TXNDC8: variants seen among roughly 807,000 people sequenced by gnomAD.
The protein encoded by TXNDC8 is thioredoxin domain-containing protein 8.
In TXNDC8, 15 loss-of-function variants were observed where a neutral mutation model predicts 12.9. The ratio of observed to expected loss-of-function variants is 1.16; its 90% CI spans 0.78 to 1.79. The LOEUF (loss-of-function observed/expected upper bound fraction) is 1.79. Among genes scored for constraint, TXNDC8 ranks in the 40% most tolerant of loss-of-function variants. The pLI is 0.00. For missense variants in TXNDC8, 128 were observed against 113.2 expected (o/e 1.13, Z -0.59); for synonymous variants, 40 against 35.4 (o/e 1.13, Z -0.46).
At chr9:110,302,932 C>T (rs552969384), downstream of TXNDC8, among the ~76,000 whole-genome samples, 21 of 152,210 alleles carry the variant, frequency 1.4e-4, no homozygotes, top group South Asian at 4.2e-4. Context: ...GTTGTGATGA[C>T]GCCTGCCTAT....
At chr9:110,337,638 A>C in intron 1 of TXNDC8, 135 bp downstream of exon 1, 1 of 802,742 alleles carries the variant, frequency 1.2e-6, no homozygotes, top group African/African-American at 1.8e-5. Flanking sequence ...ATAAAGAACA[A>C]GAATTTAGAA....
At chr9:110,304,566 G>A in intron 3 of TXNDC8, 34 bp from the exon 5 acceptor site, 1 of 1,579,212 alleles carries the variant, frequency 6.3e-7, no homozygotes. Flanking sequence ...TAATTTATCT[G>A]AGTTGCCTGG....
At chr9:110,310,524 A>G (rs1014400779) in intron 3 of TXNDC8, among the ~76,000 whole-genome samples, 1 of 152,220 alleles carries the variant, frequency 6.6e-6, no homozygotes, top group African/African-American at 2.4e-5. Flanking sequence ...ACATTTATGT[A>G]TTTATGTGTT....
At chr9:110,311,602 A>ATTAC (rs1838678601) in intron 3 of TXNDC8, among the ~76,000 whole-genome samples, 1 of 128,310 alleles carries the variant, frequency 7.8e-6, no homozygotes, top group Non-Finnish European at 1.7e-5. Flanking sequence ...CTATATCCAT[A>ATTAC]TATATATGGA....
intron 2 of TXNDC8, among the ~76,000 whole-genome samples, chr9:110,331,410 A>G (rs1734685695): frequency 6.6e-6 from 1 of 152,192 alleles, no homozygotes; most frequent in Non-Finnish European, 1.5e-5. Flanking sequence ...TGGCAATGTT[A>G]GAATCTCCAC....
chr9:110,319,084 C>G (rs1838993614), intron 3 of TXNDC8, among the ~76,000 whole-genome samples: 1 of 152,184 alleles, frequency 6.6e-6, no homozygotes, highest in African/African-American at 2.4e-5. Flanking sequence ...GCCCCCCGAC[C>G]CCCAGTCAAT....
intron 4 of TXNDC8, among the ~76,000 whole-genome samples, chr9:110,303,861 G>T (rs186877946): frequency 1.3e-5 from 2 of 151,876 alleles, no homozygotes; most frequent in African/African-American, 4.8e-5. Context: ...TAATAATCTC[G>T]GAAATAAACA....
intron 1 of TXNDC8, among the ~76,000 whole-genome samples, chr9:110,336,497 T>C (rs947540127): frequency 3.3e-5 from 5 of 152,068 alleles, no homozygotes; most frequent in African/African-American, 1.2e-4. Context: ...GCTGGCCTAA[T>C]TGGACCCATG....
rs1281514797 is a variant in TXNDC8 at position 110,305,854 on chromosome 9, TC to T, written c.196-1323del. 3.7e-5 allele frequency among the ~76,000 whole-genome samples: 5 copies of T among 135,918 alleles called. No individual in the cohort carries two copies. In the East Asian group the frequency reaches 8.2e-4, roughly 22 times the overall value. The allele number at this position is 135,918 out of a possible 152,430, so 89.2% of individuals were successfully genotyped here. ...TTCTTTTCCTTTCTTTTCTTTTCTT[TC>T]TTTTTCTTTTCTTTTCTTTTCTTTT... On this transcript the variant is annotated intron_variant, in intron 3 of 4. Coordinates refer to ENST00000423740, the MANE Select transcript of TXNDC8 (RefSeq NM_001286946.2).
intron 3 of TXNDC8, among the ~76,000 whole-genome samples, chr9:110,305,048 G>A (rs1468257444): frequency 2.7e-5 from 4 of 150,110 alleles, no homozygotes; most frequent in East Asian, 2.0e-4. Context: ...CATGGGAGGC[G>A]GAGGCACGAG....
In TXNDC8 at chr9:110,314,055, G is replaced by A. The variant is rs570561269; in HGVS notation, c.196-9523C>T. On this transcript the variant is annotated intron_variant, in intron 3 of 4. Transcript: ENST00000423740. ...CTAAGCTAAAGGGAAAAGTCAAGCT[G>A]GGAACTGCTTAGGGCCAAACTGCCT... Among the ~76,000 whole-genome samples the A allele has an allele frequency of 9.2e-5, 14 of 152,280 alleles. No homozygotes were observed. The South Asian group carries it at 2.9e-3, about 32-fold the overall frequency.
chr9:110,305,905 C>G (rs567717042), intron 3 of TXNDC8, among the ~76,000 whole-genome samples: 1 of 147,316 alleles, frequency 6.8e-6, no homozygotes, highest in East Asian at 2.0e-4. Context: ...TCTCTGTCAC[C>G]GACTTTGGAG....
chr9:110,325,503 C>G (rs1839272819), intron 3 of TXNDC8, among the ~76,000 whole-genome samples: 1 of 145,052 alleles, frequency 6.9e-6, no homozygotes. Context: ...ATTGTTTAAA[C>G]TTGTATACAC....
intron 3 of TXNDC8, among the ~76,000 whole-genome samples, chr9:110,309,280 C>A (rs866775118): frequency 1.3e-5 from 2 of 151,720 alleles, no homozygotes; most frequent in Non-Finnish European, 2.9e-5. Flanking sequence ...GGGGGATTGA[C>A]CCCCCCACAA....
intron 2 of TXNDC8, among the ~76,000 whole-genome samples, chr9:110,326,592 A>G (rs1314562691): frequency 6.6e-6 from 1 of 152,228 alleles, no homozygotes; most frequent in African/African-American, 2.4e-5. Flanking sequence ...GGAACTCAGT[A>G]TAAGAAGAGC....
chr9:110,330,786 T>C (rs1304927470), intron 2 of TXNDC8, among the ~76,000 whole-genome samples: 1 of 152,262 alleles, frequency 6.6e-6, no homozygotes, highest in South Asian at 2.1e-4. Flanking sequence ...AGAGATCATA[T>C]GGCCTGCAAA....
chr9:110,327,720 T>C (rs1420027409), intron 2 of TXNDC8, among the ~76,000 whole-genome samples: 2 of 152,196 alleles, frequency 1.3e-5, no homozygotes, highest in Non-Finnish European at 2.9e-5. Flanking sequence ...ATTCCCTTTA[T>C]AGGAAATGTT....
chr9:110,337,630 A>G (rs374774361), intron 1 of TXNDC8, 143 bp downstream of exon 1: 4 of 750,464 alleles, frequency 5.3e-6, no homozygotes. Context: ...GGAACAAGAT[A>G]AAGAACAAGA....
intron 2 of TXNDC8, among the ~76,000 whole-genome samples, chr9:110,332,076 G>A (rs977905636): frequency 3.3e-5 from 5 of 152,206 alleles, no homozygotes. Flanking sequence ...ATCTCCACAG[G>A]TGGGTCTGTG....
Sources: allele counts gnomAD v4.1 joint callset (sites outside exome capture counted in the v4.1 genomes callset), GRCh38; gene constraint gnomAD v4.1.1; transcripts MANE v1.5; gene names NCBI Gene and HGNC (gene_info 2026-07-23, HGNC 2026-07-21).